Variants in EXD3 observed in about 807,000 individuals in gnomAD.
EXD3 encodes the protein exonuclease 3'-5' domain containing 3.
In EXD3, 92 loss-of-function variants were observed where a neutral mutation model predicts 98.0. The observed-to-expected ratio is 0.94, with a 90% CI of 0.79 to 1.12. The LOEUF (loss-of-function observed/expected upper bound fraction) is 1.12, where lower values mean the gene tolerates loss of function less well. Ranked by LOEUF, EXD3 falls within the 50% of genes most tolerant of loss-of-function variation. The pLI, the probability that EXD3 is intolerant of heterozygous loss-of-function variation, is 0.00. For missense variants in EXD3, 1,222 were observed against 1,191.6 expected (o/e 1.03, Z -0.38); for synonymous variants, 569 against 526.0 (o/e 1.08, Z -1.12).
chr9:137,319,351 T>G (rs1240358969), intron 19 of EXD3, among the ~76,000 whole-genome samples: 1 of 152,196 alleles, frequency 6.6e-6, no homozygotes, highest in Non-Finnish European at 1.5e-5. Flanking sequence ...CCTCCATTGT[T>G]TTGCCCGTGC....
intron 1 of EXD3, among the ~76,000 whole-genome samples, chr9:137,408,322 G>C (rs1385079900): frequency 2.0e-5 from 3 of 152,026 alleles, no homozygotes; most frequent in African/African-American, 7.2e-5. Flanking sequence ...GCTGAGGCGG[G>C]AGGATCACGA....
rs373401884 is a variant in EXD3 at position 137,356,342 on chromosome 9, C to T, written c.683G>A (p.Ser228Asn). ...ARRYPEVTSL[S>N]LEKLSPKALS... ...CGCCTTCGGACTCAGCTTCTCCAGG[C>T]TCAAGGAGGTCACCTCAGGGTACCG... is the stretch of plus-strand genomic sequence containing the variant. The change falls in exon 8 of 22, where the codon AGC (serine) becomes AAC (asparagine). Residue 228 changes from serine to asparagine, a missense_variant. By Grantham distance (46) the Ser-to-Asn change is conservative (BLOSUM62 1). Transcript: ENST00000340951. The T allele has an allele frequency of 1.2e-6, 2 of 1,603,962 alleles. No individual in the cohort carries two copies.
At position 137,350,009 on chromosome 9, in the gene EXD3, C is replaced by T. The variant is rs1037522778; in HGVS notation, c.1495-478G>A. On this transcript the variant is annotated intron_variant, in intron 14 of 21. Transcript: ENST00000340951. ...TGTGCCCAGAGAGGGGTGGGGATCA[C>T]GGGGAAGGTGCTAGATAGAGAGGGG... 7.2e-5 allele frequency among the ~76,000 whole-genome samples: 7 copies of T among 96,684 alleles called. No homozygotes were observed. The East Asian group carries it at 1.5e-3, about 21-fold the overall frequency. 63.4% of individuals were successfully genotyped at this position (96,684 alleles called of 152,430 possible).
At chr9:137,328,010 A>C in intron 17 of EXD3, among the ~76,000 whole-genome samples, 1 of 152,290 alleles carries the variant, frequency 6.6e-6, no homozygotes, top group South Asian at 2.1e-4. Flanking sequence ...AAAACAACTA[A>C]TATACTCCCA....
chr9:137,353,287 C>A, intron 10 of EXD3: 1 of 985,376 alleles, frequency 1.0e-6, no homozygotes, highest in Non-Finnish European at 1.2e-6. Flanking sequence ...ACCTTCCCGG[C>A]CTCCAAGCCT....
rs1320842843 is a variant in EXD3 at position 137,371,723 on chromosome 9, TGGGCCAAGCACCCCC to T, written c.462+1167_462+1181del. ...TGGGCACCCCCAGGCAGGACACCCC[TGGGCCAAGCACCCCC>T]GGGCCGAGCACCCCCAAGCAGGACA... On this transcript the variant is annotated intron_variant, in intron 5 of 21. Transcript: ENST00000340951. This position sits in a 1 kb window ranked among gnomAD's most constrained non-coding sequence, Gnocchi z 8.0. Among the ~76,000 whole-genome samples, 1 of 149,000 alleles carries T rather than the reference TGGGCCAAGCACCCCC, an allele frequency of 6.7e-6. No homozygotes were observed. The highest frequency in any genetic ancestry group is 1.5e-5 in the Non-Finnish European group (1 of 66,860).
rs999617299 is a variant in EXD3 at position 137,405,241 on chromosome 9, C to T, written c.-47-9837G>A. Among the ~76,000 whole-genome samples the T allele has an allele frequency of 6.6e-6, 1 of 152,214 alleles. No individual in the cohort carries two copies. Among genetic ancestry groups the T allele is most frequent in the South Asian group, 2.1e-4 (1 of 4,832 alleles). ...GGGGTCCGGCACAGTGGGCTCTGAC[C>T]CACAGAGGGCTGGGCCAGCACCCCC... On this transcript the variant is annotated intron_variant, in intron 1 of 21. Coordinates refer to ENST00000340951, the MANE Select transcript of EXD3 (RefSeq NM_017820.5). The surrounding 1 kb of genome is among the most constrained non-coding windows in gnomAD (Gnocchi z 4.1).
At chr9:137,377,322 G>A (rs922411152) in intron 3 of EXD3, 1 of 152,164 alleles carries the variant, frequency 6.6e-6, no homozygotes, top group African/African-American at 2.4e-5. Flanking sequence ...AGTGGAGCCT[G>A]TAGTCCCAGC....
At chr9:137,355,701 G>GGAGAA (rs1834726643) in intron 8 of EXD3, among the ~76,000 whole-genome samples, 1 of 81,222 alleles carries the variant, frequency 1.2e-5, no homozygotes, top group Non-Finnish European at 2.9e-5. Flanking sequence ...AAGGGAGGAA[G>GGAGAA]GAGGAAGGAG....
Position 137,352,066 on chromosome 9 carries a change from C to T in EXD3, c.1173G>A (p.Gln391=), listed in dbSNP as rs1198410057. 6.2e-7 allele frequency: 1 copy of T among 1,610,700 alleles called. No individual in the cohort carries two copies. The highest frequency in any genetic ancestry group is 1.1e-5 in the South Asian group (1 of 90,778). The part of the protein sequence containing the change: ...DLTRHEGALL[Q]CHQVVGVDVE... The stretch of plus-strand genomic sequence containing the variant: ...CTGCCCCAGCGGCCGAGGGAACCAC[C>T]TGCAGGAGTGCACCCTCGTGTCTGG... Residue 391 remains glutamine (Q), a splice_region_variant and synonymous_variant, in exon 12 of 22, where the codon CAG becomes CAA. Transcript: ENST00000340951.
At chr9:137,408,109 C>G (rs945853065) in intron 1 of EXD3, among the ~76,000 whole-genome samples, 9 of 152,288 alleles carry the variant, frequency 5.9e-5, no homozygotes, top group Admixed American at 5.9e-4. Context: ...AAGCCCAGCC[C>G]CTCCTCCTCA....
At chr9:137,352,980 G>C in intron 10 of EXD3, 194 bp from the exon 11 acceptor site, 1 of 1,402,830 alleles carries the variant, frequency 7.1e-7, no homozygotes, top group Non-Finnish European at 9.2e-7. Context: ...AAGCGGCTGA[G>C]ATAGAGGTGC....
At position 137,408,546 on chromosome 9, in the gene EXD3, C is replaced by CAAAAAAAAAAAAAAAAAAAAAAAAAA. The variant is rs570243090; in HGVS notation, c.-47-13143_-47-13142insTTTTTTTTTTTTTTTTTTTTTTTTTT. Among the ~76,000 whole-genome samples the CAAAAAAAAAAAAAAAAAAAAAAAAAA allele has an allele frequency of 9.2e-4, 41 of 44,470 alleles. 2 individuals carry two copies. Among genetic ancestry groups the CAAAAAAAAAAAAAAAAAAAAAAAAAA allele is most frequent in the Non-Finnish European group, 1.2e-3 (29 of 25,116 alleles). The allele number at this position is 44,470 out of a possible 152,430, so 29.2% of individuals were successfully genotyped here. On this transcript the variant is annotated intron_variant, in intron 1 of 21. Coordinates refer to ENST00000340951, the MANE Select transcript of EXD3 (RefSeq NM_017820.5). The stretch of plus-strand genomic sequence containing the variant: ...TGGGCGATAGAGTGAGACTCTGCCT[C>CAAAAAAAAAAAAAAAAAAAAAAAAAA]AAAAAAAAAAAAAAAAAAAGAGGGC...
rs190946788 is a variant in EXD3, at chr9:137,353,970, G to A, written c.870+369C>T. The A allele has an allele frequency of 4.3e-3, 4,685 of 1,083,886 alleles. 19 individuals are homozygous for A. Among genetic ancestry groups the A allele is most frequent in the South Asian group, 0.016 (369 of 22,428 alleles). 67.1% of individuals were successfully genotyped at this position (1,083,886 alleles called of 1,614,324 possible). A position where few individuals can be genotyped will look rare whatever the true frequency, so the allele number is the denominator to read the frequency against. On this transcript the variant is annotated intron_variant, in intron 10 of 21. Coordinates refer to ENST00000340951, the MANE Select transcript of EXD3 (RefSeq NM_017820.5). ...TTCCGGCCGGCTCTGCGCTGGCACCGGGCTGGGGGGGCCTGGCCTTCCTCC... is the reference window on the plus strand; with the variant it reads ...TTCCGGCCGGCTCTGCGCTGGCACCAGGCTGGGGGGGCCTGGCCTTCCTCC...
chr9:137,397,497 C>T (rs999080637), intron 1 of EXD3, among the ~76,000 whole-genome samples: 4 of 151,984 alleles, frequency 2.6e-5, no homozygotes, highest in African/African-American at 7.3e-5. Flanking sequence ...AAACTCAGCA[C>T]GTAATAAAAA....
chr9:137,388,445 C>T (rs955288500), intron 2 of EXD3, among the ~76,000 whole-genome samples: 10 of 152,182 alleles, frequency 6.6e-5, no homozygotes, highest in Non-Finnish European at 8.8e-5. Context: ...GCTGCCTTCA[C>T]CTTGAGACAC....
chr9:137,314,750 C>T (rs569569535), intron 19 of EXD3, among the ~76,000 whole-genome samples: 40 of 152,270 alleles, frequency 2.6e-4, no homozygotes, highest in African/African-American at 9.4e-4. Flanking sequence ...GCAGCGTCGG[C>T]GGCGAGAAGG....
At chr9:137,373,729 T>TCCGCGC (rs1835758480) in intron 3 of EXD3, 130 bp from the exon 4 acceptor site, 4 of 1,092,490 alleles carry the variant, frequency 3.7e-6, no homozygotes, top group Non-Finnish European at 3.8e-6. Flanking sequence ...TCAGCCGCCA[T>TCCGCGC]CTGCGCCTCC....
chr9:137,310,866 G>A, intron 19 of EXD3, among the ~76,000 whole-genome samples: 1 of 152,204 alleles, frequency 6.6e-6, no homozygotes. Context: ...AGGGGAGCAG[G>A]GAAGAGGAGG....
Sources: allele counts gnomAD v4.1 joint callset (sites outside exome capture counted in the v4.1 genomes callset), GRCh38; gene constraint gnomAD v4.1.1; non-coding constraint Gnocchi (gnomAD v3.1); transcripts MANE v1.5; gene names NCBI Gene and HGNC (gene_info 2026-07-23, HGNC 2026-07-21).